The following TVP23A variants were observed in gnomAD, a reference collection of about 807,000 sequenced individuals.
The protein encoded by TVP23A is Golgi apparatus membrane protein TVP23 homolog A.
In TVP23A, 21 loss-of-function variants were observed where a neutral mutation model predicts 31.7. The observed-to-expected ratio is 0.66, with a 90% CI of 0.47 to 0.95. The LOEUF is 0.95. TVP23A is among the 40% of genes least tolerant of loss of function. The pLI is 0.00. For synonymous variants in TVP23A, 104 were observed against 96.0 expected, an observed-to-expected ratio of 1.08 and a Z score of -0.49; for missense variants, 279 against 255.6, an observed-to-expected ratio of 1.09 and a Z score of -0.62.
chr16:10,770,565 T>TAAA (rs150195896), intron 6 of TVP23A, among the ~76,000 whole-genome samples: 1 of 141,980 alleles, frequency 7.0e-6, no homozygotes, highest in Non-Finnish European at 1.5e-5. Context: ...TCTATTAAGT[T>TAAA]AAAAAAAAAA....
chr16:10,789,696 G>C (rs888715010), intron 2 of TVP23A, among the ~76,000 whole-genome samples: 4 of 148,704 alleles, frequency 2.7e-5, no homozygotes, highest in Non-Finnish European at 4.4e-5. Context: ...AAAGCCAGGC[G>C]TGGTGGCAGG....
chr16:10,789,363 G>C (rs548026802), intron 2 of TVP23A, among the ~76,000 whole-genome samples: 43 of 152,194 alleles, frequency 2.8e-4, no homozygotes, highest in Non-Finnish European at 4.3e-4. Flanking sequence ...TTGATGAAAA[G>C]AGTCAAACTC....
chr16:10,788,695 G>C (rs1391650919), intron 2 of TVP23A, among the ~76,000 whole-genome samples: 2 of 152,202 alleles, frequency 1.3e-5, no homozygotes, highest in Non-Finnish European at 2.9e-5. Flanking sequence ...CAGATGTTCA[G>C]GGGTGAAACG....
intron 2 of TVP23A, among the ~76,000 whole-genome samples, chr16:10,805,536 G>C (rs768985662): frequency 6.7e-6 from 1 of 148,618 alleles, no homozygotes; most frequent in African/African-American, 2.5e-5. Flanking sequence ...GGCTGTCTCT[G>C]AGTCATCTCG....
Position 10,768,903 on chromosome 16 carries a change from C to A in TVP23A, c.*199G>T. On this transcript the variant is annotated 3_prime_UTR_variant, in exon 8 of 8. Coordinates refer to ENST00000299866, the MANE Select transcript of TVP23A (RefSeq NM_001079512.4). This position sits in a 1 kb window ranked among gnomAD's most constrained non-coding sequence, Gnocchi z 4.3. The stretch of plus-strand genomic sequence containing the variant: ...GGTATTCCGGTCACTTTCAAAGACT[C>A]AGGGCATCACAGACACAGGTCTTTT... 1 of 687,642 alleles carries A rather than the reference C, an allele frequency of 1.5e-6. No homozygotes were observed. Among genetic ancestry groups the A allele is most frequent in the Non-Finnish European group, 2.6e-6 (1 of 391,456 alleles). The allele number at this position is 687,642 out of a possible 1,614,324, so 42.6% of individuals were successfully genotyped here. A position where few individuals can be genotyped will look rare whatever the true frequency, so the allele number is the denominator to read the frequency against.
rs528125400 is a variant in TVP23A, at chr16:10,771,524, G to T, written c.582+146C>A. 19 of 1,076,102 alleles carry T rather than the reference G, an allele frequency of 1.8e-5. No homozygotes were observed. In the African/African-American group the frequency reaches 2.2e-4, roughly 12 times the overall value. The allele number at this position is 1,076,102 out of a possible 1,614,324, so 66.7% of individuals were successfully genotyped here. A position where few individuals can be genotyped will look rare whatever the true frequency, so the allele number is the denominator to read the frequency against. ...CACTCTAGCCTGGGTGACAGAGCGA[G>T]ATCCTGTCTCCCAAAAAATATATAA... On this transcript the variant is annotated intron_variant, in intron 6 of 7. Coordinates refer to ENST00000299866, the MANE Select transcript of TVP23A (RefSeq NM_001079512.4).
intron 2 of TVP23A, among the ~76,000 whole-genome samples, chr16:10,813,997 C>A (rs1393474386): frequency 1.9e-5 from 1 of 52,246 alleles, no homozygotes; most frequent in Non-Finnish European, 3.2e-5. Context: ...GAAACTCCAT[C>A]TCAAAAAAAA....
downstream of TVP23A, chr16:10,762,159 G>A (rs2030022283): frequency 3.9e-6 from 1 of 258,050 alleles, no homozygotes; most frequent in Admixed American, 4.9e-5. Context: ...CCCGATAGAG[G>A]GGCGGCTCCA....
chr16:10,809,700 T>C (rs577542906), intron 2 of TVP23A, among the ~76,000 whole-genome samples: 1 of 152,308 alleles, frequency 6.6e-6, no homozygotes, highest in African/African-American at 2.4e-5. Flanking sequence ...AACTGTACTG[T>C]GGGGGTGCAG....
At chr16:10,769,963 GT>G (rs2031437199) in intron 7 of TVP23A, among the ~76,000 whole-genome samples, 2 of 152,118 alleles carry the variant, frequency 1.3e-5, no homozygotes, top group South Asian at 4.2e-4. Flanking sequence ...AAATCCCCTT[GT>G]TCTTTCCCTC....
In TVP23A at chr16:10,766,769, T is replaced by C. The variant is rs999865186; in HGVS notation, c.*2333A>G. The C allele has an allele frequency of 2.5e-6, 1 of 396,568 alleles. No homozygotes were observed. The highest frequency in any genetic ancestry group is 4.4e-6 in the Non-Finnish European group (1 of 225,384). 24.6% of individuals were successfully genotyped at this position (396,568 alleles called of 1,614,324 possible). Reference sequence around the variant, plus strand: ...GAGAATAGGGGCTCAAAGGCCCCATTACAGAGTTTTTGTGTTTAAATACCC... The same window carrying C: ...GAGAATAGGGGCTCAAAGGCCCCATCACAGAGTTTTTGTGTTTAAATACCC... On this transcript the variant is annotated 3_prime_UTR_variant, in exon 8 of 8. Coordinates refer to ENST00000299866, the MANE Select transcript of TVP23A (RefSeq NM_001079512.4). This position sits in a 1 kb window ranked among gnomAD's most constrained non-coding sequence, Gnocchi z 4.8.
chr16:10,758,222 G>A (rs1900702218), downstream of TVP23A, among the ~76,000 whole-genome samples: 1 of 152,196 alleles, frequency 6.6e-6, no homozygotes, highest in Non-Finnish European at 1.5e-5. Flanking sequence ...TGTAATCCCA[G>A]GACTTTGGGA....
chr16:10,774,877 T>C, intron 3 of TVP23A, 75 bp downstream of exon 3: 2 of 1,368,520 alleles, frequency 1.5e-6, no homozygotes, highest in Non-Finnish European at 2.0e-6. Context: ...TAAACCAAAG[T>C]ACCTCTTGGT....
chr16:10,795,801 G>A (rs895546028), intron 2 of TVP23A, among the ~76,000 whole-genome samples: 1 of 152,122 alleles, frequency 6.6e-6, no homozygotes, highest in African/African-American at 2.4e-5. Flanking sequence ...AGAATTCAAG[G>A]ATGGAGGACT....
chr16:10,757,391 T>C (rs537049540), downstream of TVP23A, among the ~76,000 whole-genome samples: 14 of 152,328 alleles, frequency 9.2e-5, no homozygotes, highest in Non-Finnish European at 1.3e-4. The surrounding 1 kb of genome is among the most constrained non-coding windows in gnomAD (Gnocchi z 4.1). Flanking sequence ...GATCTGGTAC[T>C]GAGACTTAAG....
chr16:10,774,924 GTGA>G (rs1384803783), intron 3 of TVP23A, 25 bp downstream of exon 3: 15 of 1,601,846 alleles, frequency 9.4e-6, no homozygotes, highest in Non-Finnish European at 1.3e-5. Context: ...TGTTTCGGAA[GTGA>G]TGACATCACA....
At chr16:10,759,324 T>C (rs1404401588), downstream of TVP23A, among the ~76,000 whole-genome samples, 1 of 152,158 alleles carries the variant, frequency 6.6e-6, no homozygotes, top group Admixed American at 6.5e-5. This position sits in a 1 kb window ranked among gnomAD's most constrained non-coding sequence, Gnocchi z 4.7. Flanking sequence ...AAGATTCATG[T>C]CCACCCTGGC....
chr16:10,761,784 A>C, downstream of TVP23A: 1 of 1,613,882 alleles, frequency 6.2e-7, no homozygotes, highest in Non-Finnish European at 8.5e-7. Flanking sequence ...CCCTCCCACA[A>C]CCGGGGGCGC....
chr16:10,786,934 CAA>C (rs34739793), intron 2 of TVP23A, among the ~76,000 whole-genome samples: 6 of 135,460 alleles, frequency 4.4e-5, no homozygotes, highest in East Asian at 4.0e-4. Flanking sequence ...AGCTGTGGTC[CAA>C]AAAAAAAAAA....
Sources: gnomAD v4.1 joint callset for allele counts (sites outside exome capture counted in the v4.1 genomes callset) on GRCh38, gnomAD v4.1.1 for gene constraint, Gnocchi (gnomAD v3.1) non-coding constraint, MANE v1.5 for transcripts, NCBI Gene and HGNC (gene_info 2026-07-23, HGNC 2026-07-21) for gene names.